PAPPA: variants seen among roughly 807,000 people sequenced by gnomAD.
PAPPA encodes the protein pappalysin-1.
A neutral mutation model predicts 164.0 loss-of-function variants in PAPPA; 60 were observed. The ratio of observed to expected loss-of-function variants is 0.37; its 90% CI spans 0.30 to 0.45. The LOEUF is 0.45. Among genes scored for constraint, PAPPA ranks in the 20% least tolerant of loss-of-function variants. The pLI, the probability that PAPPA is intolerant of heterozygous loss-of-function variation, is 1.00. For missense variants in PAPPA, 1,782 were observed against 2,087.3 expected, an observed-to-expected ratio of 0.85 and a Z score of 2.85; for synonymous variants, 875 against 814.1, an observed-to-expected ratio of 1.07 and a Z score of -1.27.
chr9:116,166,555 TCA>T (rs1423471016), intron 1 of PAPPA, among the ~76,000 whole-genome samples: 1 of 152,200 alleles, frequency 6.6e-6, no homozygotes, highest in African/African-American at 2.4e-5. Context: ...TGTGATGACC[TCA>T]GGATCTGGAA....
Position 116,331,272 on chromosome 9 carries a change from G to T in PAPPA, c.3176G>T (p.Ser1059Ile), listed in dbSNP as rs1305477355. Residue 1059 changes from serine to isoleucine, a missense_variant, in exon 11 of 22, where the codon AGT becomes ATT. Around this residue, in one of 2 missense-constraint regions of PAPPA, gnomAD observed 1,324 missense variants for 1,656.9 expected, o/e 0.80. Transcript: ENST00000328252. ...QVCRTKVIDL[S>I]EGISQHAWYP... Reference sequence around the variant, plus strand: ...TGTCGAACCAAGGTGATAGATCTCAGTGAAGGCATTTCCCAGCATGCCTGG... The same window carrying T: ...TGTCGAACCAAGGTGATAGATCTCATTGAAGGCATTTCCCAGCATGCCTGG... The T allele has an allele frequency of 6.2e-7, 1 of 1,612,222 alleles. No individual in the cohort carries two copies. The highest frequency in any genetic ancestry group is 1.1e-5 in the South Asian group (1 of 90,964).
chr9:116,189,868 T>C (rs1488542410), intron 2 of PAPPA, among the ~76,000 whole-genome samples: 1 of 152,188 alleles, frequency 6.6e-6, no homozygotes, highest in African/African-American at 2.4e-5. Flanking sequence ...TGCAAAGGAA[T>C]GAGGATGCTG....
chr9:116,208,681 CAG>C (rs1212272889), intron 3 of PAPPA, among the ~76,000 whole-genome samples: 1 of 152,208 alleles, frequency 6.6e-6, no homozygotes, highest in African/African-American at 2.4e-5. Context: ...CCTGGTGAAA[CAG>C]AGTCCAGTAG....
intron 2 of PAPPA, among the ~76,000 whole-genome samples, chr9:116,207,014 T>G (rs1447077443): frequency 6.6e-6 from 1 of 152,124 alleles, no homozygotes; most frequent in Non-Finnish European, 1.5e-5. Context: ...AACTTTGTCT[T>G]TCATACATGG....
chr9:116,177,324 GC>G (rs1301660927), intron 1 of PAPPA, among the ~76,000 whole-genome samples: 2 of 152,168 alleles, frequency 1.3e-5, no homozygotes, highest in Non-Finnish European at 2.9e-5. Flanking sequence ...TGTCCACTGT[GC>G]TTTCACTCAT....
At chr9:116,389,811 T>G (rs532867815) in intron 21 of PAPPA, among the ~76,000 whole-genome samples, 1 of 133,634 alleles carries the variant, frequency 7.5e-6, no homozygotes, top group African/African-American at 2.6e-5. Context: ...TTGCCTTCTG[T>G]TTTTTTTTTT....
intron 1 of PAPPA, among the ~76,000 whole-genome samples, chr9:116,180,660 A>T (rs1843894077): frequency 6.6e-6 from 1 of 152,168 alleles, no homozygotes; most frequent in South Asian, 2.1e-4. Flanking sequence ...ATAAATTGTC[A>T]TCCTTTGCTA....
chr9:116,346,922 A>G, intron 14 of PAPPA, 104 bp from the exon 15 acceptor site: 1 of 827,296 alleles, frequency 1.2e-6, no homozygotes, highest in South Asian at 1.9e-5. Flanking sequence ...TTGGTCTCCT[A>G]GTGCCTGGGC....
chr9:116,265,754 T>C (rs1397862348), intron 7 of PAPPA, 103 bp from the exon 8 acceptor site: 7 of 897,886 alleles, frequency 7.8e-6, no homozygotes, highest in Non-Finnish European at 1.0e-5. Flanking sequence ...ATTTCAAAAA[T>C]GAGCAAGACT....
intron 9 of PAPPA, chr9:116,286,782 A>G (rs1407920508): frequency 6.6e-6 from 1 of 152,220 alleles, no homozygotes; most frequent in African/African-American, 2.4e-5. Context: ...ACTTTAAAAA[A>G]TTTGTTTTTT....
rs772556357 is a variant in PAPPA, at chr9:116,188,026, C to T, written c.1288C>T (p.His430Tyr). 1 of 1,614,192 alleles carries T rather than the reference C, an allele frequency of 6.2e-7. No individual in the cohort carries two copies. Among genetic ancestry groups the T allele is most frequent in the Admixed American group, 1.7e-5 (1 of 60,034 alleles). The change falls in exon 2 of 22, where the codon CAC becomes TAC. Residue 430 changes from histidine to tyrosine, a missense_variant. Physicochemically the swap from His to Tyr is moderately conservative, Grantham distance 83 (BLOSUM62 2). Transcript: ENST00000328252. The stretch of plus-strand genomic sequence containing the variant: ...TGAGAACTGTGACCCCGAGTGCAAC[C>T]ACACGCTGACGGGCCACGACGGCGG... Reference protein sequence around the residue: ...GDENCDPECNHTLTGHDGGDC... With the variant: ...GDENCDPECNYTLTGHDGGDC...
chr9:116,207,265 C>G (rs529143554), intron 2 of PAPPA, among the ~76,000 whole-genome samples, 191 bp from the exon 3 acceptor site: 2 of 152,108 alleles, frequency 1.3e-5, no homozygotes, highest in Non-Finnish European at 2.9e-5. Context: ...CTAAAACTCT[C>G]GAGAACTTAA....
At chr9:116,327,160 A>G (rs1845930942) in intron 10 of PAPPA, among the ~76,000 whole-genome samples, 1 of 152,166 alleles carries the variant, frequency 6.6e-6, no homozygotes, top group African/African-American at 2.4e-5. Flanking sequence ...AGCACTCTTG[A>G]TGTGTTCCAC....
chr9:116,375,034 C>T (rs1426501900), intron 19 of PAPPA, among the ~76,000 whole-genome samples: 2 of 152,184 alleles, frequency 1.3e-5, no homozygotes, highest in African/African-American at 4.8e-5. Context: ...CAGGATCTGC[C>T]CTCAAGAAAC....
At chr9:116,285,630 G>T (rs538734942) in intron 9 of PAPPA, among the ~76,000 whole-genome samples, 1 of 152,158 alleles carries the variant, frequency 6.6e-6, no homozygotes, top group Non-Finnish European at 1.5e-5. Flanking sequence ...CCTCCTCTGT[G>T]CTCCCACAGT....
At chr9:116,242,802 T>G (rs1326475908) in intron 7 of PAPPA, among the ~76,000 whole-genome samples, 1 of 152,236 alleles carries the variant, frequency 6.6e-6, no homozygotes, top group Non-Finnish European at 1.5e-5. Context: ...TGCCAAGACC[T>G]GCTATTTTGT....
chr9:116,289,279 TAGCATATAA>T (rs1845396855), intron 9 of PAPPA, among the ~76,000 whole-genome samples: 2 of 104,910 alleles, frequency 1.9e-5, no homozygotes, highest in African/African-American at 6.5e-5. Context: ...AGCATATATA[TAGCATATAA>T]ATAGCATATA....
chr9:116,353,763 G>C lies in PAPPA; in HGVS notation c.4317G>C (p.Arg1439Ser). Reference sequence around the variant, plus strand: ...GCTTCCAGTTCAACAGTGAGTGTAGGATCAAGTGTGAAGACAGTGATGCCT... The same window carrying C: ...GCTTCCAGTTCAACAGTGAGTGTAGCATCAAGTGTGAAGACAGTGATGCCT... ...TNGFQFNSECRIKCEDSDASQ... is the reference protein window; with the variant it reads ...TNGFQFNSECSIKCEDSDASQ... The change falls in exon 17 of 22, where the codon AGG becomes AGC. Residue 1439 changes from arginine to serine, a missense_variant. This residue lies in a region of PAPPA where 1,324 missense variants were observed against 1,656.9 expected (regional missense o/e 0.80). Coordinates refer to ENST00000328252, the MANE Select transcript of PAPPA (RefSeq NM_002581.5). 6.2e-7 allele frequency: 1 copy of C among 1,613,986 alleles called. No homozygotes were observed. The highest frequency in any genetic ancestry group is 8.5e-7 in the Non-Finnish European group (1 of 1,179,954).
rs185735084 is a variant in PAPPA, at chr9:116,271,707, C to T, written c.2953+291C>T. On this transcript the variant is annotated intron_variant, in intron 9 of 21. Coordinates refer to ENST00000328252, the MANE Select transcript of PAPPA (RefSeq NM_002581.5). The surrounding 1 kb of genome is among the most constrained non-coding windows in gnomAD (Gnocchi z 4.2). ...TTACCTTACAAACATCCCTGCTTTT[C>T]TTCACACTAACTGTCCAGGATGGGT... Among the ~76,000 whole-genome samples, 1 of 152,178 alleles carries T rather than the reference C, an allele frequency of 6.6e-6. No individual in the cohort carries two copies. Among genetic ancestry groups the T allele is most frequent in the Non-Finnish European group, 1.5e-5 (1 of 68,030 alleles).
Sources: gnomAD v4.1 joint callset for allele counts (sites outside exome capture counted in the v4.1 genomes callset) on GRCh38, gnomAD v4.1.1 for gene constraint, gnomAD v4.1.1 regional missense constraint, Gnocchi (gnomAD v3.1) non-coding constraint, MANE v1.5 for transcripts, NCBI Gene and HGNC (gene_info 2026-07-23, HGNC 2026-07-21) for gene names.